COL10A1: variants seen among roughly 807,000 people sequenced by gnomAD.
The protein encoded by COL10A1 is collagen alpha-1(X) chain.
A neutral mutation model predicts 18.2 loss-of-function variants in COL10A1; 10 were observed. That is an observed-to-expected ratio of 0.55 (90% CI 0.34 to 0.93). The LOEUF (loss-of-function observed/expected upper bound fraction) is 0.93, where lower values mean the gene tolerates loss of function less well. COL10A1 is among the 40% of genes least tolerant of loss of function. The probability of loss-of-function intolerance (pLI) is 0.02; values close to 1 mark genes in which losing one functional copy is unlikely to be tolerated. For synonymous variants in COL10A1, 330 were observed against 316.6 expected (o/e 1.04, Z -0.45); for missense variants, 897 against 853.5 (o/e 1.05, Z -0.64).
At position 116,119,837 on chromosome 6, in the gene COL10A1, A is replaced by G. The variant is rs1289117147; in HGVS notation, c.*236T>C. The G allele has an allele frequency of 2.2e-6, 1 of 452,626 alleles. No homozygotes were observed. The highest frequency in any genetic ancestry group is 3.9e-6 in the Non-Finnish European group (1 of 256,338). 28.0% of individuals were successfully genotyped at this position (452,626 alleles called of 1,614,324 possible). ...TTGGTGATATTTTTTAATATTGGAG[A>G]AAACCTTAAAGAGCCTTAAGATTGC... On this transcript the variant is annotated 3_prime_UTR_variant, in exon 3 of 3. Transcript: ENST00000651968.
At chr6:116,126,626 A>G (rs1031274350), upstream of COL10A1, among the ~76,000 whole-genome samples, 1 of 152,092 alleles carries the variant, frequency 6.6e-6, no homozygotes, top group Non-Finnish European at 1.5e-5. Context: ...GCTGACCCCA[A>G]TTCTTAATTA....
intron 1 of COL10A1, among the ~76,000 whole-genome samples, chr6:116,153,830 T>G (rs1399623727): frequency 6.6e-6 from 1 of 152,124 alleles, no homozygotes; most frequent in Non-Finnish European, 1.5e-5. Context: ...TTCCTTACCT[T>G]CTCTGTGGAT....
chr6:116,129,597 CA>C (rs1779414005), upstream of COL10A1, among the ~76,000 whole-genome samples: 1 of 152,190 alleles, frequency 6.6e-6, no homozygotes, highest in Non-Finnish European at 1.5e-5. Flanking sequence ...TGCGATACTA[CA>C]GCATGAACGC....
chr6:116,181,238 A>G, the COL10A1 span, among the ~76,000 whole-genome samples: 1 of 152,062 alleles, frequency 6.6e-6, no homozygotes, highest in Non-Finnish European at 1.5e-5. Flanking sequence ...TATCAGATAA[A>G]TAAATATAGT....
chr6:116,194,396 A>G, the COL10A1 span, among the ~76,000 whole-genome samples: 3 of 152,074 alleles, frequency 2.0e-5, no homozygotes, highest in Admixed American at 2.0e-4. Flanking sequence ...AACAAAGCCT[A>G]GAAAGGGTAG....
the COL10A1 span, among the ~76,000 whole-genome samples, chr6:116,194,750 G>A: frequency 6.6e-6 from 1 of 152,122 alleles, no homozygotes; most frequent in East Asian, 1.9e-4. Context: ...AGAAGAGTTA[G>A]AAACAAATGA....
intron 1 of COL10A1, among the ~76,000 whole-genome samples, chr6:116,146,517 CT>C (rs1006104356): frequency 6.6e-6 from 1 of 152,132 alleles, no homozygotes; most frequent in Admixed American, 6.5e-5. Flanking sequence ...CCACTTGGAA[CT>C]TTCGCCTTAA....
chr6:116,124,250 C>T (rs1036836097), intron 2 of COL10A1, among the ~76,000 whole-genome samples: 4 of 151,818 alleles, frequency 2.6e-5, no homozygotes, highest in African/African-American at 9.7e-5. Context: ...AACTTTATAA[C>T]AAATATCCTT....
the COL10A1 span, among the ~76,000 whole-genome samples, chr6:116,192,136 G>GT: frequency 6.6e-6 from 1 of 152,004 alleles, no homozygotes; most frequent in East Asian, 1.9e-4. Context: ...GTGGTAGTCT[G>GT]TGTGATGTTT....
At chr6:116,204,482 G>A in the COL10A1 span, among the ~76,000 whole-genome samples, 2 of 151,952 alleles carry the variant, frequency 1.3e-5, no homozygotes, top group African/African-American at 2.4e-5. Flanking sequence ...TGATGAGAGT[G>A]TGGGGTAAGT....
At chr6:116,164,103 A>G in the COL10A1 span, among the ~76,000 whole-genome samples, 2 of 152,146 alleles carry the variant, frequency 1.3e-5, no homozygotes, top group East Asian at 3.8e-4. Context: ...TTAGGTGTCT[A>G]TCCATTTGGC....
intron 1 of COL10A1, among the ~76,000 whole-genome samples, chr6:116,131,589 A>G (rs1174584534): frequency 6.6e-6 from 1 of 152,148 alleles, no homozygotes; most frequent in Admixed American, 6.5e-5. Context: ...ATGGTACTCC[A>G]TTGTATAGAT....
the COL10A1 span, among the ~76,000 whole-genome samples, chr6:116,183,999 C>T: frequency 1.3e-5 from 2 of 151,954 alleles, no homozygotes; most frequent in Admixed American, 6.6e-5. Context: ...GGATTGTTTT[C>T]AACTTTTCCC....
the COL10A1 span, among the ~76,000 whole-genome samples, chr6:116,181,493 G>T: frequency 6.6e-6 from 1 of 152,032 alleles, no homozygotes; most frequent in East Asian, 1.9e-4. Flanking sequence ...ACTAGGAATA[G>T]AAAAGAACTT....
In COL10A1 at chr6:116,121,812, G is replaced by T; in HGVS notation, c.304C>A (p.Pro102Thr). 6.2e-7 allele frequency: 1 copy of T among 1,613,864 alleles called. No individual in the cohort carries two copies. Among genetic ancestry groups the T allele is most frequent in the Non-Finnish European group, 8.5e-7 (1 of 1,179,918 alleles). ...ACACCTGGTTTCCCTACAGCTGATGGTCCCGGTGGTCCTGGCAACCCTGGC... is the reference window on the plus strand; with the variant it reads ...ACACCTGGTTTCCCTACAGCTGATGTTCCCGGTGGTCCTGGCAACCCTGGC... ...GEPGLPGPPG[P>T]SAVGKPGVPG... is the part of the protein sequence containing the mutation. The change falls in exon 3 of 3, where the codon CCA (proline) becomes ACA (threonine). Residue 102 changes from proline (P) to threonine (T), a missense_variant. Physicochemically the swap from Pro to Thr is conservative, Grantham distance 38. Coordinates refer to ENST00000651968, the MANE Select transcript of COL10A1 (RefSeq NM_000493.4).
At chr6:116,160,370 A>G (rs1336708839), upstream of COL10A1, among the ~76,000 whole-genome samples, 1 of 152,034 alleles carries the variant, frequency 6.6e-6, no homozygotes, top group Non-Finnish European at 1.5e-5. Context: ...ATGATTAGTG[A>G]TGTTGAGCAT....
intron 1 of COL10A1, among the ~76,000 whole-genome samples, chr6:116,154,018 AG>A (rs1208154718): frequency 6.6e-6 from 1 of 150,854 alleles, no homozygotes; most frequent in Non-Finnish European, 1.5e-5. Flanking sequence ...ACATGCCTAA[AG>A]GGAAGATTTC....
At chr6:116,133,140 C>T (rs924441048) in intron 1 of COL10A1, among the ~76,000 whole-genome samples, 5 of 152,144 alleles carry the variant, frequency 3.3e-5, no homozygotes, top group Admixed American at 6.6e-5. Context: ...CTCATAGTTT[C>T]GTGCGCCAAG....
chr6:116,161,186 T>A (rs1344541659), upstream of COL10A1, among the ~76,000 whole-genome samples: 2 of 110,274 alleles, frequency 1.8e-5, no homozygotes, highest in Admixed American at 2.5e-4. Context: ...ATCTGGGGAC[T>A]GTTGTGGGGT....
Sources: gnomAD v4.1 joint callset for allele counts (sites outside exome capture counted in the v4.1 genomes callset) on GRCh38, gnomAD v4.1.1 for gene constraint, MANE v1.5 for transcripts, NCBI Gene and HGNC (gene_info 2026-07-23, HGNC 2026-07-21) for gene names.